The following KCNH1 variants were observed in gnomAD, a reference collection of about 807,000 sequenced individuals.
The protein encoded by KCNH1 is potassium voltage-gated channel subfamily H member 1, also known as voltage-gated delayed rectifier potassium channel KCNH1.
KCNH1 carries 27 observed loss-of-function variants against 69.2 expected under a neutral mutation model. The observed-to-expected ratio is 0.39, with a 90% CI of 0.29 to 0.54. The LOEUF is 0.54. Among genes scored for constraint, KCNH1 ranks in the 20% least tolerant of loss-of-function variants. KCNH1 has a pLI of 0.68. For missense variants in KCNH1, 798 were observed against 1,261.6 expected, an observed-to-expected ratio of 0.63 and a Z score of 5.57; for synonymous variants, 456 against 487.7, an observed-to-expected ratio of 0.93 and a Z score of 0.86.
At chr1:211,129,215 T>C (rs1691834118) in intron 1 of KCNH1, among the ~76,000 whole-genome samples, 1 of 152,184 alleles carries the variant, frequency 6.6e-6, no homozygotes, top group African/African-American at 2.4e-5. Context: ...ATAAAGCAGA[T>C]ACTCTAGTAG....
intron 10 of KCNH1, among the ~76,000 whole-genome samples, chr1:210,732,190 C>A (rs879384383): frequency 6.6e-6 from 1 of 151,578 alleles, no homozygotes; most frequent in African/African-American, 2.4e-5. Flanking sequence ...ACAGGAACTG[C>A]TCCCCAAATC....
intron 6 of KCNH1, among the ~76,000 whole-genome samples, chr1:210,998,541 A>T (rs1011506684): frequency 2.0e-5 from 3 of 152,228 alleles, no homozygotes; most frequent in Non-Finnish European, 4.4e-5. Flanking sequence ...AAAGAGACTT[A>T]GACTCCCACA....
intron 6 of KCNH1, among the ~76,000 whole-genome samples, chr1:210,985,766 C>T (rs549544036): frequency 2.0e-4 from 31 of 152,120 alleles, no homozygotes; most frequent in African/African-American, 4.3e-4. Flanking sequence ...TCTGTTGAGT[C>T]GGGGTGGAGA....
At chr1:210,999,775 G>C (rs1689134699) in intron 6 of KCNH1, among the ~76,000 whole-genome samples, 1 of 152,146 alleles carries the variant, frequency 6.6e-6, no homozygotes, top group African/African-American at 2.4e-5. Flanking sequence ...ATAAAATACT[G>C]GCAAACCAAA....
intron 7 of KCNH1, among the ~76,000 whole-genome samples, chr1:210,905,258 G>A (rs988927292): frequency 2.0e-5 from 3 of 152,120 alleles, no homozygotes; most frequent in African/African-American, 7.2e-5. Flanking sequence ...TGTAAAATGC[G>A]AATAATAGTC....
intron 7 of KCNH1, among the ~76,000 whole-genome samples, chr1:210,862,777 T>C (rs1686007342): frequency 6.6e-6 from 1 of 152,216 alleles, no homozygotes; most frequent in South Asian, 2.1e-4. Context: ...ACTGCTGTTG[T>C]GGAAAGGGCA....
intron 6 of KCNH1, among the ~76,000 whole-genome samples, chr1:210,955,839 C>T (rs572131383): frequency 1.3e-5 from 2 of 152,254 alleles, no homozygotes; most frequent in African/African-American, 4.8e-5. Flanking sequence ...ATGATCATGT[C>T]ATCTGTAAAC....
intron 7 of KCNH1, among the ~76,000 whole-genome samples, chr1:210,830,295 A>G (rs931701690): frequency 6.6e-6 from 1 of 152,194 alleles, no homozygotes; most frequent in Non-Finnish European, 1.5e-5. Flanking sequence ...CACCATATGC[A>G]GGCATAGTCA....
At chr1:210,974,902 T>C (rs1688576158) in intron 6 of KCNH1, among the ~76,000 whole-genome samples, 1 of 152,294 alleles carries the variant, frequency 6.6e-6, no homozygotes, top group South Asian at 2.1e-4. Flanking sequence ...TTATCATACA[T>C]ATCACATCTA....
chr1:210,937,677 G>A (rs145243177), intron 6 of KCNH1, among the ~76,000 whole-genome samples: 323 of 152,222 alleles, frequency 2.1e-3, no homozygotes, highest in African/African-American at 7.3e-3. Flanking sequence ...AACATGATTT[G>A]GGGCATTGTT....
chr1:210,876,015 C>A (rs1686366809), intron 7 of KCNH1, among the ~76,000 whole-genome samples: 1 of 152,144 alleles, frequency 6.6e-6, no homozygotes, highest in East Asian at 1.9e-4. Context: ...AGAAATAAAT[C>A]ATTAACTATA....
chr1:211,025,474 G>T (rs182028821), intron 5 of KCNH1, among the ~76,000 whole-genome samples: 3 of 152,266 alleles, frequency 2.0e-5, no homozygotes, highest in African/African-American at 7.2e-5. Context: ...AATTACATGA[G>T]TGTGATTAAG....
chr1:210,862,597 G>A (rs1020879781), intron 7 of KCNH1, among the ~76,000 whole-genome samples: 1 of 152,270 alleles, frequency 6.6e-6, no homozygotes, highest in East Asian at 1.9e-4. Flanking sequence ...GCCTCCCAAA[G>A]TGCTGGATTT....
intron 7 of KCNH1, among the ~76,000 whole-genome samples, chr1:210,885,890 C>G (rs1047607496): frequency 6.6e-6 from 1 of 152,194 alleles, no homozygotes; most frequent in African/African-American, 2.4e-5. Flanking sequence ...GGCAGCAGCC[C>G]CAGTCAGGGT....
chr1:210,703,420 A>C lies in KCNH1; in HGVS notation c.2113-19282T>G, dbSNP rs965413995. Reference sequence around the variant, plus strand: ...AGGATGTGGGGAAACAAGCCTTCTCATACATCACTGGCAAGTTTAACCCTT... The same window carrying C: ...AGGATGTGGGGAAACAAGCCTTCTCCTACATCACTGGCAAGTTTAACCCTT... On this transcript the variant is annotated intron_variant, in intron 10 of 10. Transcript: ENST00000271751. Among the ~76,000 whole-genome samples, 11 of 152,378 alleles carry C rather than the reference A, an allele frequency of 7.2e-5. 2 individuals are homozygous for C. In the Middle Eastern group the frequency reaches 0.02, roughly 283 times the overall value.
intron 10 of KCNH1, among the ~76,000 whole-genome samples, chr1:210,689,319 G>C (rs187709726): frequency 7.9e-5 from 12 of 152,294 alleles, no homozygotes; most frequent in Admixed American, 6.5e-4. Flanking sequence ...AGCTCTTCTC[G>C]TGCCTAACCT....
At chr1:210,763,774 T>C (rs1358044148) in intron 10 of KCNH1, among the ~76,000 whole-genome samples, 1 of 152,112 alleles carries the variant, frequency 6.6e-6, no homozygotes, top group Non-Finnish European at 1.5e-5. Flanking sequence ...TCAGCATCAT[T>C]AAAATGTGCA....
intron 7 of KCNH1, among the ~76,000 whole-genome samples, chr1:210,872,733 GA>G (rs965569407): frequency 2.6e-5 from 4 of 152,092 alleles, no homozygotes; most frequent in African/African-American, 9.7e-5. Flanking sequence ...ACTATCATGA[GA>G]ACAGCACTGA....
intron 7 of KCNH1, among the ~76,000 whole-genome samples, chr1:210,865,875 G>A (rs925338263): frequency 6.6e-6 from 1 of 152,138 alleles, no homozygotes; most frequent in Admixed American, 6.5e-5. Flanking sequence ...AAATGAAATG[G>A]GTGAATTCCC....
Sources: gnomAD v4.1 joint callset for allele counts (sites outside exome capture counted in the v4.1 genomes callset) on GRCh38, gnomAD v4.1.1 for gene constraint, MANE v1.5 for transcripts, NCBI Gene and HGNC (gene_info 2026-07-23, HGNC 2026-07-21) for gene names.